Variants in BEAN1 observed in about 807,000 individuals in gnomAD.
BEAN1 encodes the protein brain expressed associated with NEDD4 1.
In BEAN1, 17 loss-of-function variants were observed where a neutral mutation model predicts 17.7. That is an observed-to-expected ratio of 0.96 (90% CI 0.66 to 1.44). The LOEUF is 1.44. Among genes scored for constraint, BEAN1 ranks in the 40% most tolerant of loss-of-function variants. The probability of loss-of-function intolerance (pLI) is 0.00; values close to 1 mark genes in which losing one functional copy is unlikely to be tolerated. For missense variants in BEAN1, 359 were observed against 374.1 expected, an observed-to-expected ratio of 0.96 and a Z score of 0.33; for synonymous variants, 142 against 151.8, an observed-to-expected ratio of 0.94 and a Z score of 0.47.
downstream of BEAN1, chr16:66,485,488 C>A (rs887499233): frequency 1.1e-5 from 3 of 271,524 alleles, no homozygotes; most frequent in South Asian, 1.2e-4. Context: ...CTGTCCTGGT[C>A]TCTGCTTTGC....
Position 66,469,836 on chromosome 16 carries a change from G to T in BEAN1, c.260G>T (p.Arg87Leu), listed in dbSNP as rs768531415. The change falls in exon 3 of 5, where the codon CGT (arginine) becomes CTT (leucine). Residue 87 changes from arginine to leucine, a missense_variant. Transcript: ENST00000536005. ...HHHHHHHHRR[R>L]RHREYEHGYV... ...CACCACCATCATCACCACCGCCGGC[G>T]TCGACACCGAGAGTACGAGCACGGC... The T allele has an allele frequency of 6.5e-7, 1 of 1,532,002 alleles. No individual in the cohort carries two copies. The highest frequency in any genetic ancestry group is 1.2e-5 in the South Asian group (1 of 83,680). The allele number at this position is 1,532,002 out of a possible 1,614,324, so 94.9% of individuals were successfully genotyped here. A position where few individuals can be genotyped will look rare whatever the true frequency, so the allele number is the denominator to read the frequency against.
intron 3 of BEAN1, chr16:66,476,195 C>A (rs1963739671): frequency 6.6e-6 from 1 of 151,422 alleles, no homozygotes; most frequent in Admixed American, 6.6e-5. Flanking sequence ...CCACCATCAA[C>A]GTGTTTGGAA....
chr16:66,491,763 A>G (rs1964178787), intron 4 of BEAN1, among the ~76,000 whole-genome samples: 1 of 152,172 alleles, frequency 6.6e-6, no homozygotes, highest in African/African-American at 2.4e-5. Flanking sequence ...AGTTCACAAT[A>G]GGGTTCCACT....
downstream of BEAN1, chr16:66,484,448 A>G (rs1964056432): frequency 5.3e-6 from 2 of 379,292 alleles, no homozygotes; most frequent in Non-Finnish European, 1.0e-5. The surrounding 1 kb of genome is among the most constrained non-coding windows in gnomAD (Gnocchi z 4.2). Flanking sequence ...GGTGTGTCAC[A>G]TATGGCACCA....
At chr16:66,475,276 T>C (rs1963691430) in intron 3 of BEAN1, among the ~76,000 whole-genome samples, 1 of 152,092 alleles carries the variant, frequency 6.6e-6, no homozygotes, top group Non-Finnish European at 1.5e-5. Flanking sequence ...GTCTCAGGTT[T>C]GGGGTCTGAG....
chr16:66,451,185 C>T (rs1362816770), intron 2 of BEAN1: 4 of 153,348 alleles, frequency 2.6e-5, no homozygotes, highest in African/African-American at 2.4e-5. Flanking sequence ...TCCATAAAGA[C>T]GTGAAGAAGG....
At chr16:66,446,028 C>T (rs1469985868) in intron 2 of BEAN1, among the ~76,000 whole-genome samples, 1 of 151,938 alleles carries the variant, frequency 6.6e-6, no homozygotes, top group Admixed American at 6.6e-5. Flanking sequence ...ACTAAAAATA[C>T]AAAAATTAGC....
At chr16:66,457,412 G>A (rs1306948490) in intron 2 of BEAN1, among the ~76,000 whole-genome samples, 2 of 152,176 alleles carry the variant, frequency 1.3e-5, no homozygotes, top group Non-Finnish European at 2.9e-5. Flanking sequence ...CCTGTCCACT[G>A]TAATCTGCCC....
intron 4 of BEAN1, chr16:66,492,914 T>C: frequency 1.5e-6 from 1 of 664,146 alleles, no homozygotes; most frequent in South Asian, 1.6e-5. Flanking sequence ...TCTCAGCCAC[T>C]CTGCTGAGGC....
chr16:66,475,054 A>T (rs1963679589), intron 3 of BEAN1, among the ~76,000 whole-genome samples: 1 of 152,206 alleles, frequency 6.6e-6, no homozygotes, highest in Admixed American at 6.5e-5. Context: ...ACTTGGAGTG[A>T]TGTTAAATAA....
intron 1 of BEAN1, among the ~76,000 whole-genome samples, chr16:66,435,454 G>T (rs1961977676): frequency 6.6e-6 from 1 of 152,178 alleles, no homozygotes; most frequent in African/African-American, 2.4e-5. Flanking sequence ...CTTCCTTGTA[G>T]GGAAATGCAG....
intron 4 of BEAN1, among the ~76,000 whole-genome samples, chr16:66,479,709 A>C (rs1963911443): frequency 6.6e-6 from 1 of 151,960 alleles, no homozygotes; most frequent in Non-Finnish European, 1.5e-5. Context: ...CCTCTCAGAG[A>C]AGTGGGGGGT....
chr16:66,429,493 A>T (rs1046200815), intron 1 of BEAN1, among the ~76,000 whole-genome samples: 4 of 152,116 alleles, frequency 2.6e-5, no homozygotes, highest in African/African-American at 9.7e-5. Flanking sequence ...GGAAGAAAGC[A>T]GTGGTCCAGT....
chr16:66,466,059 CCA>C (rs1286794768), intron 2 of BEAN1, among the ~76,000 whole-genome samples: 14 of 152,188 alleles, frequency 9.2e-5, no homozygotes. Flanking sequence ...AGTGATCCAC[CCA>C]CCTCGGCCTC....
chr16:66,467,964 G>C (rs1414775290), intron 2 of BEAN1, among the ~76,000 whole-genome samples: 1 of 152,260 alleles, frequency 6.6e-6, no homozygotes, highest in African/African-American at 2.4e-5. Flanking sequence ...GGTTGAGTGT[G>C]ATTGAGGCTT....
intron 2 of BEAN1, among the ~76,000 whole-genome samples, chr16:66,443,042 G>A (rs911376207): frequency 6.6e-6 from 1 of 152,104 alleles, no homozygotes; most frequent in African/African-American, 2.4e-5. Flanking sequence ...CCACTTCTGC[G>A]CTCAGAGCAG....
At position 66,427,707 on chromosome 16, in the gene BEAN1, G is replaced by A. The variant is rs931119896; in HGVS notation, c.-83+276G>A. The stretch of plus-strand genomic sequence containing the variant: ...GACCCTGATCGCGCCCTCGGGCCTC[G>A]GGGAAGGGGAGGTATCCAGGTTTTC... On this transcript the variant is annotated intron_variant, in intron 1 of 4. Coordinates refer to ENST00000536005, the MANE Select transcript of BEAN1 (RefSeq NM_001178020.3). The surrounding 1 kb of genome is among the most constrained non-coding windows in gnomAD (Gnocchi z 4.7). 2.0e-5 allele frequency: 3 copies of A among 152,078 alleles called. No homozygotes were observed. Among genetic ancestry groups the A allele is most frequent in the African/African-American group, 7.2e-5 (3 of 41,474 alleles). 9.4% of individuals were successfully genotyped at this position (152,078 alleles called of 1,614,324 possible).
At chr16:66,431,395 AT>A (rs1447742959) in intron 1 of BEAN1, among the ~76,000 whole-genome samples, 1 of 152,240 alleles carries the variant, frequency 6.6e-6, no homozygotes, top group Non-Finnish European at 1.5e-5. Context: ...TTGAGTCTTC[AT>A]TTTAATGATT....
intron 2 of BEAN1, among the ~76,000 whole-genome samples, chr16:66,447,816 G>A (rs1046736619): frequency 6.6e-6 from 1 of 152,200 alleles, no homozygotes; most frequent in African/African-American, 2.4e-5. Flanking sequence ...TACAGATGTG[G>A]AAACTTAGTC....
Sources: gnomAD v4.1 joint callset for allele counts (sites outside exome capture counted in the v4.1 genomes callset) on GRCh38, gnomAD v4.1.1 for gene constraint, Gnocchi (gnomAD v3.1) non-coding constraint, MANE v1.5 for transcripts, NCBI Gene and HGNC (gene_info 2026-07-23, HGNC 2026-07-21) for gene names.